Variants in DNER observed in about 807,000 individuals in gnomAD.
DNER encodes the protein delta and Notch-like epidermal growth factor-related receptor.
In DNER, 33 loss-of-function variants were observed where a neutral mutation model predicts 78.2. The ratio of observed to expected loss-of-function variants is 0.42; its 90% CI spans 0.32 to 0.56. The LOEUF (loss-of-function observed/expected upper bound fraction) is 0.56, where lower values mean the gene tolerates loss of function less well. DNER is among the 20% of genes least tolerant of loss of function. DNER has a pLI of 0.11. For missense variants in DNER, 918 were observed against 975.3 expected, an observed-to-expected ratio of 0.94 and a Z score of 0.78; for synonymous variants, 417 against 384.8, an observed-to-expected ratio of 1.08 and a Z score of -0.98.
chr2:229,618,059 C>T lies in DNER; in HGVS notation c.277-26171G>A, dbSNP rs1453410559. Among the ~76,000 whole-genome samples, 5 of 152,322 alleles carry T rather than the reference C, an allele frequency of 3.3e-5. No individual in the cohort carries two copies. In the East Asian group the frequency reaches 7.7e-4, roughly 23 times the overall value. On this transcript the variant is annotated intron_variant, in intron 1 of 12. Coordinates refer to ENST00000341772, the MANE Select transcript of DNER (RefSeq NM_139072.4). Reference sequence around the variant, plus strand: ...CTACATCCATCCAATGGAGATAACCCCCCTTTTCCTGCAAGAGGCAGGAGC... The same window carrying T: ...CTACATCCATCCAATGGAGATAACCTCCCTTTTCCTGCAAGAGGCAGGAGC...
chr2:229,572,940 A>T (rs796616309), intron 4 of DNER, among the ~76,000 whole-genome samples: 1 of 152,216 alleles, frequency 6.6e-6, no homozygotes, highest in Non-Finnish European at 1.5e-5. Context: ...AAAATCTCTT[A>T]AAGTCAGGGA....
intron 11 of DNER, among the ~76,000 whole-genome samples, chr2:229,382,326 G>T (rs536614217): frequency 3.9e-5 from 6 of 152,094 alleles, no homozygotes; most frequent in Non-Finnish European, 7.4e-5. Context: ...GCACAAAAAG[G>T]CTAAAAATTC....
At chr2:229,406,151 G>T (rs940172635) in intron 10 of DNER, among the ~76,000 whole-genome samples, 1 of 152,204 alleles carries the variant, frequency 6.6e-6, no homozygotes, top group African/African-American at 2.4e-5. Context: ...GATGGCTTAG[G>T]GACCAAGGCT....
chr2:229,407,030 A>G (rs1693402810), intron 10 of DNER, among the ~76,000 whole-genome samples: 1 of 152,216 alleles, frequency 6.6e-6, no homozygotes, highest in Non-Finnish European at 1.5e-5. Flanking sequence ...CCAAACAACC[A>G]TCTCAGAAAA....
intron 7 of DNER, among the ~76,000 whole-genome samples, chr2:229,471,494 A>G (rs1032412060): frequency 3.9e-5 from 6 of 152,232 alleles, no homozygotes; most frequent in African/African-American, 1.4e-4. Context: ...TTCTCTATAA[A>G]CATGACTTGA....
At chr2:229,699,244 G>T (rs887473928) in intron 1 of DNER, among the ~76,000 whole-genome samples, 4 of 152,134 alleles carry the variant, frequency 2.6e-5, no homozygotes, top group Non-Finnish European at 5.9e-5. Flanking sequence ...TTGATAAAAT[G>T]GTTGCAGTGT....
intron 1 of DNER, among the ~76,000 whole-genome samples, chr2:229,699,803 AG>A (rs1465583922): frequency 6.6e-6 from 1 of 152,230 alleles, no homozygotes; most frequent in Non-Finnish European, 1.5e-5. Flanking sequence ...AACAGTATAA[AG>A]CATAGACTTC....
intron 10 of DNER, among the ~76,000 whole-genome samples, chr2:229,398,459 G>GAAAACGGAATACAA (rs1300438058): frequency 6.6e-6 from 1 of 152,042 alleles, no homozygotes; most frequent in Admixed American, 6.6e-5. Flanking sequence ...ATCGGTTGCA[G>GAAAACGGAATACAA]AAAACGGAAT....
intron 4 of DNER, among the ~76,000 whole-genome samples, chr2:229,579,335 T>C (rs1298831698): frequency 1.3e-5 from 2 of 152,160 alleles, no homozygotes; most frequent in African/African-American, 4.8e-5. Flanking sequence ...ACTACCACAG[T>C]GCTTGGAAAA....
intron 6 of DNER, among the ~76,000 whole-genome samples, chr2:229,490,426 G>T (rs948644318): frequency 2.6e-5 from 4 of 152,160 alleles, no homozygotes; most frequent in African/African-American, 9.7e-5. Flanking sequence ...GTTATACCTG[G>T]TATAACCTGA....
intron 11 of DNER, among the ~76,000 whole-genome samples, chr2:229,370,806 T>C (rs1692463469): frequency 1.3e-5 from 2 of 152,354 alleles, no homozygotes; most frequent in Middle Eastern, 3.4e-3. Flanking sequence ...CTGATCACTA[T>C]GGAAGATCAC....
At chr2:229,366,134 GT>G (rs1209579967) in intron 12 of DNER, among the ~76,000 whole-genome samples, 2 of 152,182 alleles carry the variant, frequency 1.3e-5, no homozygotes, top group Non-Finnish European at 2.9e-5. Context: ...GTTTACTTAT[GT>G]AACCAACCTG....
At chr2:229,447,647 CAG>C (rs1037684508) in intron 7 of DNER, 107 bp from the exon 8 acceptor site, 4 of 1,222,494 alleles carry the variant, frequency 3.3e-6, no homozygotes, top group Non-Finnish European at 4.6e-6. Flanking sequence ...AATTCATTCA[CAG>C]CTTCCAGATA....
intron 7 of DNER, among the ~76,000 whole-genome samples, chr2:229,456,659 T>C (rs984116156): frequency 2.0e-5 from 3 of 152,060 alleles, no homozygotes; most frequent in African/African-American, 7.3e-5. Context: ...AGTGAAAATG[T>C]CCTGAAGTCA....
chr2:229,367,349 C>G (rs529826568), intron 11 of DNER, among the ~76,000 whole-genome samples: 2 of 152,242 alleles, frequency 1.3e-5, no homozygotes, highest in East Asian at 3.9e-4. Context: ...GGCTGTAATC[C>G]CAGCACTTTG....
intron 1 of DNER, among the ~76,000 whole-genome samples, chr2:229,641,249 C>T (rs1244705713): frequency 6.6e-6 from 1 of 152,124 alleles, no homozygotes; most frequent in African/African-American, 2.4e-5. Context: ...AGGTTAGAGG[C>T]AGCTGAGGGG....
At chr2:229,524,839 C>T (rs532474967) in intron 5 of DNER, among the ~76,000 whole-genome samples, 2 of 152,306 alleles carry the variant, frequency 1.3e-5, no homozygotes, top group South Asian at 2.1e-4. Flanking sequence ...TCGCTCTGGG[C>T]CAGGCCGAGG....
intron 1 of DNER, among the ~76,000 whole-genome samples, chr2:229,611,840 A>G (rs1698054286): frequency 6.6e-6 from 1 of 151,752 alleles, no homozygotes; most frequent in Non-Finnish European, 1.5e-5. Flanking sequence ...CCACCTTGAA[A>G]CCTTCGTCAC....
At chr2:229,628,808 C>A (rs911336802) in intron 1 of DNER, among the ~76,000 whole-genome samples, 1 of 152,192 alleles carries the variant, frequency 6.6e-6, no homozygotes. Context: ...GTTCTAACAT[C>A]AAGAGTTGGA....
Sources: gnomAD v4.1 joint callset for allele counts (sites outside exome capture counted in the v4.1 genomes callset) on GRCh38, gnomAD v4.1.1 for gene constraint, MANE v1.5 for transcripts, NCBI Gene and HGNC (gene_info 2026-07-23, HGNC 2026-07-21) for gene names.